The following BANP variants were observed in gnomAD, a reference collection of about 807,000 sequenced individuals.
BANP encodes the protein BTG3 associated nuclear protein.
BANP carries 11 observed loss-of-function variants against 68.1 expected under a neutral mutation model. That is an observed-to-expected ratio of 0.16 (90% CI 0.10 to 0.27). The LOEUF (loss-of-function observed/expected upper bound fraction) is 0.27, where lower values mean the gene tolerates loss of function less well. BANP is among the 10% of genes least tolerant of loss of function. The pLI is 1.00. For synonymous variants in BANP, 329 were observed against 303.2 expected (o/e 1.09, Z -0.88); for missense variants, 504 against 722.7 (o/e 0.70, Z 3.47).
intron 4 of BANP, among the ~76,000 whole-genome samples, chr16:87,986,020 T>A (rs1310778909): frequency 1.3e-5 from 2 of 152,226 alleles, no homozygotes; most frequent in Non-Finnish European, 2.9e-5. Flanking sequence ...AAGTTATGTG[T>A]GTGGAGAGTT....
intron 11 of BANP, among the ~76,000 whole-genome samples, chr16:88,045,569 G>A (rs2081831375): frequency 6.6e-6 from 1 of 152,178 alleles, no homozygotes. Context: ...ATTCCCGGCA[G>A]AGAAGCGCTC....
Position 88,057,906 on chromosome 16 carries a change from C to CGCCT in BANP, c.1312-7359_1312-7356dup, listed in dbSNP as rs906162930. 6.6e-6 allele frequency among the ~76,000 whole-genome samples: 1 copy of CGCCT among 152,056 alleles called. No homozygotes were observed. Among genetic ancestry groups the CGCCT allele is most frequent in the Non-Finnish European group, 1.5e-5 (1 of 68,014 alleles). On this transcript the variant is annotated intron_variant, in intron 11 of 13. Transcript: ENST00000682872. The surrounding 1 kb of genome is among the most constrained non-coding windows in gnomAD (Gnocchi z 4.6). ...AGTGCGGTGCGGGGCAGCGAGTGGC[C>CGCCT]GCCTGTGTTCCGACAAGCCAGGCGC...
At chr16:87,990,688 C>A (rs767132002) in intron 4 of BANP, among the ~76,000 whole-genome samples, 5 of 152,166 alleles carry the variant, frequency 3.3e-5, no homozygotes, top group African/African-American at 1.2e-4. Flanking sequence ...TGGTTGCTTT[C>A]GTTTAATTTC....
intron 11 of BANP, among the ~76,000 whole-genome samples, chr16:88,040,972 C>T (rs1201454132): frequency 6.6e-6 from 1 of 152,246 alleles, no homozygotes; most frequent in Non-Finnish European, 1.5e-5. Flanking sequence ...TCTGACAGAG[C>T]AGCTAGAAAT....
intron 1 of BANP, among the ~76,000 whole-genome samples, chr16:87,961,993 A>G (rs1301115254): frequency 6.6e-6 from 1 of 152,110 alleles, no homozygotes; most frequent in African/African-American, 2.4e-5. Context: ...TAATCCCAGC[A>G]CTTTGGGAGG....
At chr16:88,041,986 T>G (rs1209458871) in intron 11 of BANP, among the ~76,000 whole-genome samples, 1 of 151,800 alleles carries the variant, frequency 6.6e-6, no homozygotes, top group Non-Finnish European at 1.5e-5. Flanking sequence ...AGAGACGCAG[T>G]AGGAGCGTGG....
chr16:88,065,165 C>T (rs1272342693), intron 11 of BANP, 102 bp from the exon 12 acceptor site: 13 of 598,718 alleles, frequency 2.2e-5, no homozygotes, highest in Non-Finnish European at 3.3e-5. Context: ...GTGGCTTTAC[C>T]GGAGGGCAGA....
chr16:88,019,336 C>T (rs543624488), intron 7 of BANP, among the ~76,000 whole-genome samples: 1 of 152,230 alleles, frequency 6.6e-6, no homozygotes, highest in South Asian at 2.1e-4. Flanking sequence ...AGAAGCCGTC[C>T]TCCTGGCTTC....
intron 1 of BANP, among the ~76,000 whole-genome samples, chr16:87,966,048 TG>T (rs1482212569): frequency 6.6e-6 from 1 of 152,210 alleles, no homozygotes; most frequent in Admixed American, 6.5e-5. Flanking sequence ...GAAGCAGAAT[TG>T]GGATCATATC....
Position 87,957,289 on chromosome 16 carries a change from A to C in BANP, c.-69+5774A>C, listed in dbSNP as rs1406987858. Among the ~76,000 whole-genome samples the C allele has an allele frequency of 1.3e-5, 2 of 152,190 alleles. No individual in the cohort carries two copies. The highest frequency in any genetic ancestry group is 4.8e-5 in the African/African-American group (2 of 41,450). On this transcript the variant is annotated intron_variant, in intron 1 of 13. Coordinates refer to ENST00000682872, the MANE Select transcript of BANP (RefSeq NM_001386991.1). This position sits in a 1 kb window ranked among gnomAD's most constrained non-coding sequence, Gnocchi z 4.3. ...TACAGCGTGGGAGCTGTGGAAGGAC[A>C]CATGGAGCAGAGGCGGCTGAGGAGG...
intron 2 of BANP, among the ~76,000 whole-genome samples, chr16:87,980,343 T>C (rs1019305593): frequency 2.6e-5 from 4 of 152,224 alleles, no homozygotes; most frequent in Admixed American, 2.6e-4. Flanking sequence ...TTTTGGTCTT[T>C]GATTTTGAGG....
At chr16:87,955,900 G>A (rs545353084) in intron 1 of BANP, among the ~76,000 whole-genome samples, 1 of 152,266 alleles carries the variant, frequency 6.6e-6, no homozygotes, top group Admixed American at 6.5e-5. Context: ...CCTGGCCAGT[G>A]CGTCTCAAGT....
At chr16:88,035,660 G>C (rs2079159791) in intron 10 of BANP, among the ~76,000 whole-genome samples, 1 of 151,914 alleles carries the variant, frequency 6.6e-6, no homozygotes, top group Non-Finnish European at 1.5e-5. Flanking sequence ...CTGCTGGCTG[G>C]AAGTGCCCTC....
intron 7 of BANP, among the ~76,000 whole-genome samples, chr16:88,021,135 C>CCT (rs1403682139): frequency 6.6e-6 from 1 of 152,214 alleles, no homozygotes; most frequent in East Asian, 1.9e-4. Flanking sequence ...GGGCCACCAC[C>CCT]CTCTCCCCTG....
intron 9 of BANP, among the ~76,000 whole-genome samples, chr16:88,034,487 CATT>C (rs2078877655): frequency 5.9e-5 from 9 of 152,000 alleles, no homozygotes; most frequent in African/African-American, 1.9e-4. Context: ...TTTTGAATCA[CATT>C]TATTAGTGTT....
At chr16:87,977,917 C>G (rs1361711299) in intron 2 of BANP, among the ~76,000 whole-genome samples, 1 of 152,174 alleles carries the variant, frequency 6.6e-6, no homozygotes, top group African/African-American at 2.4e-5. Context: ...CTCACTGCAA[C>G]CTTTGTCTCC....
At chr16:88,073,249 A>G (rs1034669816) in intron 13 of BANP, among the ~76,000 whole-genome samples, 1 of 152,192 alleles carries the variant, frequency 6.6e-6, no homozygotes, top group Non-Finnish European at 1.5e-5. Context: ...CAGCCGTGTG[A>G]TGATGTCAGT....
At chr16:87,979,146 T>C (rs2062780575) in intron 2 of BANP, among the ~76,000 whole-genome samples, 1 of 152,154 alleles carries the variant, frequency 6.6e-6, no homozygotes, top group Non-Finnish European at 1.5e-5. Flanking sequence ...TCATCTAGTG[T>C]GTACAGGCTT....
chr16:88,047,163 GTGT>G (rs2082221822), intron 11 of BANP, among the ~76,000 whole-genome samples: 1 of 152,184 alleles, frequency 6.6e-6, no homozygotes, highest in African/African-American at 2.4e-5. Flanking sequence ...GGCATTGTTT[GTGT>G]TGTTTAAAAT....
Sources: gnomAD v4.1 joint callset for allele counts (sites outside exome capture counted in the v4.1 genomes callset) on GRCh38, gnomAD v4.1.1 for gene constraint, Gnocchi (gnomAD v3.1) non-coding constraint, MANE v1.5 for transcripts, NCBI Gene and HGNC (gene_info 2026-07-23, HGNC 2026-07-21) for gene names.